UBE3D: variants seen among roughly 807,000 people sequenced by gnomAD.
UBE3D encodes E3 ubiquitin-protein ligase E3D.
UBE3D carries 48 observed loss-of-function variants against 49.6 expected under a neutral mutation model. The observed-to-expected ratio is 0.97, with a 90% CI of 0.77 to 1.23. The LOEUF (loss-of-function observed/expected upper bound fraction) is 1.23, where lower values mean the gene tolerates loss of function less well. UBE3D is among the 50% of genes most tolerant of loss of function. UBE3D has a pLI of 0.00. For synonymous variants in UBE3D, 189 were observed against 174.2 expected (o/e 1.08, Z -0.67); for missense variants, 452 against 468.4 (o/e 0.96, Z 0.32).
At chr6:82,897,182 T>A (rs1257822000) in intron 9 of UBE3D, among the ~76,000 whole-genome samples, 1 of 152,184 alleles carries the variant, frequency 6.6e-6, no homozygotes, top group Admixed American at 6.5e-5. Flanking sequence ...ACACAAAACT[T>A]TCCTTTAGAT....
chr6:82,904,240 G>T (rs1771940026), intron 9 of UBE3D, among the ~76,000 whole-genome samples: 1 of 152,070 alleles, frequency 6.6e-6, no homozygotes, highest in Non-Finnish European at 1.5e-5. Flanking sequence ...AAGTTATAAT[G>T]AAATGACATT....
chr6:83,033,192 TA>T (rs1782004050), intron 5 of UBE3D, among the ~76,000 whole-genome samples: 2 of 152,020 alleles, frequency 1.3e-5, no homozygotes, highest in South Asian at 4.1e-4. Flanking sequence ...TACACACTTT[TA>T]AAAAACCAGA....
chr6:82,923,626 G>C (rs1236023528), intron 9 of UBE3D, among the ~76,000 whole-genome samples: 1 of 152,136 alleles, frequency 6.6e-6, no homozygotes, highest in African/African-American at 2.4e-5. Flanking sequence ...GTGACGGGTT[G>C]ATTGGTGTAG....
rs971325375 is a variant in UBE3D at position 82,892,935 on chromosome 6, T to C, written c.*87A>G. ...ATAGCTCTGGTTCTTGTCTTTGTAA[T>C]TGATGCCTCCTGAGCTGACTGCTGG... On this transcript the variant is annotated 3_prime_UTR_variant, in exon 10 of 10. Transcript: ENST00000369747. 17 of 1,477,720 alleles carry C rather than the reference T, an allele frequency of 1.2e-5. No homozygotes were observed. Among genetic ancestry groups the C allele is most frequent in the Middle Eastern group, 1.7e-4 (1 of 5,796 alleles). The allele number at this position is 1,477,720 out of a possible 1,614,324, so 91.5% of individuals were successfully genotyped here.
At chr6:83,036,188 T>A (rs986753411) in intron 5 of UBE3D, 26 of 152,298 alleles carry the variant, frequency 1.7e-4, no homozygotes, top group African/African-American at 6.0e-4. Flanking sequence ...CATGTCTGGC[T>A]AATTTTTGTA....
At chr6:82,910,544 C>T (rs1290050229) in intron 9 of UBE3D, among the ~76,000 whole-genome samples, 4 of 152,166 alleles carry the variant, frequency 2.6e-5, no homozygotes, top group Non-Finnish European at 4.4e-5. Context: ...TTGCTCAGAG[C>T]TCTGCTCTGT....
chr6:82,906,383 A>G (rs1037014404), intron 9 of UBE3D, among the ~76,000 whole-genome samples: 2 of 152,162 alleles, frequency 1.3e-5, no homozygotes, highest in African/African-American at 4.8e-5. Context: ...TATATTTGAT[A>G]TGCTTTAATC....
At chr6:82,918,087 A>G (rs967532859) in intron 9 of UBE3D, among the ~76,000 whole-genome samples, 3 of 152,192 alleles carry the variant, frequency 2.0e-5, no homozygotes, top group Non-Finnish European at 4.4e-5. Flanking sequence ...CCCAAGTAAG[A>G]CAAGAACCAA....
intron 9 of UBE3D, among the ~76,000 whole-genome samples, chr6:82,915,843 G>C (rs1441511876): frequency 2.6e-5 from 4 of 152,150 alleles, no homozygotes; most frequent in African/African-American, 9.7e-5. Context: ...ACAACAGGTA[G>C]AGCAGGAAGT....
At chr6:83,013,543 T>C (rs930570973) in intron 8 of UBE3D, among the ~76,000 whole-genome samples, 1 of 152,194 alleles carries the variant, frequency 6.6e-6, no homozygotes, top group Non-Finnish European at 1.5e-5. Context: ...GACAGCCTTT[T>C]GGGTAACTCA....
chr6:82,928,509 A>C (rs1773918346), intron 9 of UBE3D, among the ~76,000 whole-genome samples: 1 of 152,194 alleles, frequency 6.6e-6, no homozygotes, highest in Non-Finnish European at 1.5e-5. Flanking sequence ...AAGCTTAAAA[A>C]GATCTTTTAA....
intron 9 of UBE3D, chr6:82,925,158 A>T (rs1773651864): frequency 6.6e-6 from 1 of 152,250 alleles, no homozygotes; most frequent in African/African-American, 2.4e-5. Context: ...GTGAATGATA[A>T]AGGCCAGTGA....
chr6:82,986,241 G>A (rs1017410249), intron 8 of UBE3D, among the ~76,000 whole-genome samples: 3 of 151,952 alleles, frequency 2.0e-5, no homozygotes, highest in African/African-American at 7.3e-5. Context: ...TGGAGGCCGT[G>A]GCGGGCAGAT....
intron 7 of UBE3D, 136 bp downstream of exon 7, chr6:83,022,317 G>A (rs948590414): frequency 1.7e-5 from 10 of 589,858 alleles, no homozygotes; most frequent in East Asian, 7.4e-5. Flanking sequence ...ATAAGCCACC[G>A]TGCCCAGCCT....
chr6:82,920,116 C>G (rs1773218043), intron 9 of UBE3D, among the ~76,000 whole-genome samples: 1 of 152,154 alleles, frequency 6.6e-6, no homozygotes, highest in South Asian at 2.1e-4. Flanking sequence ...TCTATTAACA[C>G]TATAACCAAA....
chr6:83,001,741 T>C (rs1779651011), intron 8 of UBE3D, among the ~76,000 whole-genome samples: 1 of 152,158 alleles, frequency 6.6e-6, no homozygotes, highest in South Asian at 2.1e-4. Context: ...ATTCAAAAAA[T>C]AGCAGCTCTG....
chr6:82,924,244 T>G (rs1773579494), intron 9 of UBE3D, among the ~76,000 whole-genome samples: 1 of 152,124 alleles, frequency 6.6e-6, no homozygotes, highest in African/African-American at 2.4e-5. Flanking sequence ...AGCCATTTTC[T>G]TGCAGAGCTT....
At chr6:82,989,639 C>T (rs927697073) in intron 8 of UBE3D, among the ~76,000 whole-genome samples, 1 of 151,986 alleles carries the variant, frequency 6.6e-6, no homozygotes, top group South Asian at 2.1e-4. Flanking sequence ...AAAAGCAGGG[C>T]GAGGTCCCGG....
At chr6:83,000,308 C>T (rs944245854) in intron 8 of UBE3D, among the ~76,000 whole-genome samples, 19 of 152,182 alleles carry the variant, frequency 1.2e-4, no homozygotes, top group African/African-American at 4.3e-4. Flanking sequence ...TCAAACTCAA[C>T]ATGTATAAAA....
Sources: allele counts gnomAD v4.1 joint callset (sites outside exome capture counted in the v4.1 genomes callset), GRCh38; gene constraint gnomAD v4.1.1; transcripts MANE v1.5; gene names NCBI Gene and HGNC (gene_info 2026-07-23, HGNC 2026-07-21).